Variants in DLG2 observed in about 807,000 individuals in gnomAD.
DLG2 encodes discs large MAGUK scaffold protein 2, also known as disks large homolog 2.
In DLG2, 45 loss-of-function variants were observed where a neutral mutation model predicts 132.5. The observed-to-expected ratio is 0.34, with a 90% CI of 0.27 to 0.44. The LOEUF (loss-of-function observed/expected upper bound fraction) is 0.44, where lower values mean the gene tolerates loss of function less well. Ranked by LOEUF, DLG2 falls within the 20% of genes least tolerant of loss-of-function variation. DLG2 has a pLI of 1.00. For missense variants in DLG2, 1,045 were observed against 1,196.9 expected, an observed-to-expected ratio of 0.87 and a Z score of 1.87; for synonymous variants, 424 against 419.6, an observed-to-expected ratio of 1.01 and a Z score of -0.13.
intron 3 of DLG2, chr11:85,452,750 G>T (rs1038646505): frequency 6.5e-6 from 1 of 154,692 alleles, no homozygotes. Context: ...AAGATATCAG[G>T]TTGTTTGTTA....
rs571516764 is a variant in DLG2, at chr11:85,623,067, A to C, written c.-93+3520T>G. On this transcript the variant is annotated intron_variant, in intron 2 of 27. Coordinates refer to ENST00000376104, the MANE Select transcript of DLG2 (RefSeq NM_001142699.3). ...AGCAAGACTCTGTCTCCCAAAAAAA[A>C]AAAAAAAGATTCCAATTATATAACA... Among the ~76,000 whole-genome samples the C allele has an allele frequency of 9.8e-4, 149 of 152,240 alleles. 2 individuals carry two copies. Among genetic ancestry groups the C allele is most frequent in the Admixed American group, 9.7e-3 (149 of 15,298 alleles).
At chr11:84,055,213 A>G (rs976082392) in intron 11 of DLG2, among the ~76,000 whole-genome samples, 8 of 151,976 alleles carry the variant, frequency 5.3e-5, no homozygotes, top group Non-Finnish European at 1.0e-4. Context: ...AAAAAACTGA[A>G]CCTCATCCTT....
At chr11:84,734,050 A>G (rs501369) in intron 6 of DLG2, among the ~76,000 whole-genome samples, 122,393 of 152,046 alleles carry the variant, frequency 0.8, 49,851 homozygotes, top group Middle Eastern at 0.92. Context: ...GCCTTGTAAT[A>G]TAGTTTGAAG....
intron 6 of DLG2, among the ~76,000 whole-genome samples, chr11:84,816,118 C>G (rs928817866): frequency 6.6e-6 from 1 of 152,040 alleles, no homozygotes; most frequent in Non-Finnish European, 1.5e-5. Flanking sequence ...GTTGCTGGCT[C>G]ATTTTAGATT....
At chr11:85,225,141 G>A (rs548391150) in intron 4 of DLG2, among the ~76,000 whole-genome samples, 3 of 152,050 alleles carry the variant, frequency 2.0e-5, no homozygotes, top group East Asian at 1.9e-4. Context: ...TAAATCGAGC[G>A]GGAGAGGAAA....
chr11:84,952,825 C>T (rs1308048801), intron 6 of DLG2, among the ~76,000 whole-genome samples: 1 of 152,198 alleles, frequency 6.6e-6, no homozygotes, highest in Non-Finnish European at 1.5e-5. Flanking sequence ...CAACCCAATA[C>T]CAATTCAGAC....
chr11:84,482,162 C>CAACAA (rs969852789), intron 7 of DLG2, among the ~76,000 whole-genome samples: 8 of 152,108 alleles, frequency 5.3e-5, no homozygotes, highest in African/African-American at 1.2e-4. Flanking sequence ...AAGAGAATTG[C>CAACAA]AACAAAACAA....
chr11:84,494,269 G>A (rs1381675972), intron 7 of DLG2, among the ~76,000 whole-genome samples: 2 of 152,162 alleles, frequency 1.3e-5, no homozygotes, highest in African/African-American at 4.8e-5. Flanking sequence ...TGCTGCCCAT[G>A]CCTTTGGCTT....
In DLG2 at chr11:85,187,758, C is replaced by G. The variant is rs905449686; in HGVS notation, c.187-33107G>C. ...AGTATCTTTGCAGCCTAAGGGAACT[C>G]GCTTGATTTGGAGTGGAACATGAGA... On this transcript the variant is annotated intron_variant, in intron 4 of 27. Transcript: ENST00000376104. Among the ~76,000 whole-genome samples the G allele has an allele frequency of 4.6e-5, 7 of 152,072 alleles. No individual in the cohort carries two copies. In the South Asian group the frequency reaches 8.3e-4, roughly 18 times the overall value.
At chr11:83,881,709 A>G (rs2066311571) in intron 15 of DLG2, among the ~76,000 whole-genome samples, 1 of 152,178 alleles carries the variant, frequency 6.6e-6, no homozygotes, top group Non-Finnish European at 1.5e-5. Flanking sequence ...TGTCCACAGC[A>G]AGCAGAATGT....
intron 2 of DLG2, among the ~76,000 whole-genome samples, chr11:85,608,409 C>G (rs1186282204): frequency 6.6e-6 from 1 of 152,106 alleles, no homozygotes; most frequent in Admixed American, 6.6e-5. Flanking sequence ...ACAATACTAT[C>G]CTGCAGTTTG....
At chr11:83,866,833 G>T (rs1213002187) in intron 16 of DLG2, among the ~76,000 whole-genome samples, 1 of 152,124 alleles carries the variant, frequency 6.6e-6, no homozygotes, top group Non-Finnish European at 1.5e-5. Context: ...GCATTGAGCA[G>T]CCCGCAGTAT....
chr11:83,977,425 C>T (rs2092370676), intron 12 of DLG2, among the ~76,000 whole-genome samples: 1 of 151,986 alleles, frequency 6.6e-6, no homozygotes, highest in Admixed American at 6.6e-5. Flanking sequence ...GGCAAGCCTT[C>T]GGAAAGTACA....
At chr11:84,117,687 T>C (rs1212040720) in intron 9 of DLG2, among the ~76,000 whole-genome samples, 2 of 152,214 alleles carry the variant, frequency 1.3e-5, no homozygotes, top group Non-Finnish European at 2.9e-5. Context: ...AGTTATATTA[T>C]AAGAATTGTA....
chr11:83,705,058 C>T (rs934697569), intron 18 of DLG2, among the ~76,000 whole-genome samples: 8 of 152,074 alleles, frequency 5.3e-5, no homozygotes, highest in South Asian at 4.2e-4. Context: ...TAAATAAATG[C>T]GTTAATTAAT....
chr11:83,509,207 TTGCTAA>T (rs1953057186), intron 21 of DLG2, among the ~76,000 whole-genome samples: 1 of 152,228 alleles, frequency 6.6e-6, no homozygotes, highest in Non-Finnish European at 1.5e-5. Flanking sequence ...TTGAGAGTCC[TTGCTAA>T]TAAGTTTGAT....
chr11:83,976,789 C>T (rs1018170029), intron 12 of DLG2, among the ~76,000 whole-genome samples: 8 of 151,814 alleles, frequency 5.3e-5, no homozygotes, highest in Non-Finnish European at 7.4e-5. Context: ...AGGATTATGT[C>T]ACAGCTATTT....
rs2064372368 is a variant in DLG2 at position 85,063,254 on chromosome 11, T to TA, written c.357+48406_357+48407insT. 2.6e-5 allele frequency among the ~76,000 whole-genome samples: 4 copies of TA among 151,974 alleles called. No individual in the cohort carries two copies. In the South Asian group the frequency reaches 8.3e-4, roughly 31 times the overall value. ...TCCCCATAGGATCAGCTGAGGCCTC[T>TA]GTTGAGTGTTCTCTAATAAGTTCTT... On this transcript the variant is annotated intron_variant, in intron 6 of 27. Transcript: ENST00000376104.
At chr11:84,312,194 G>A (rs1461311657) in intron 7 of DLG2, among the ~76,000 whole-genome samples, 1 of 152,148 alleles carries the variant, frequency 6.6e-6, no homozygotes, top group Admixed American at 6.5e-5. Flanking sequence ...AATCTTGGCT[G>A]GGCGCAGTGG....
Sources: gnomAD v4.1 joint callset for allele counts (sites outside exome capture counted in the v4.1 genomes callset) on GRCh38, gnomAD v4.1.1 for gene constraint, MANE v1.5 for transcripts, NCBI Gene and HGNC (gene_info 2026-07-23, HGNC 2026-07-21) for gene names.